Variants in EPB41L4A observed in about 807,000 individuals in gnomAD.
EPB41L4A encodes the protein erythrocyte membrane protein band 4.1 like 4A, also known as band 4.1-like protein 4A.
A neutral mutation model predicts 108.6 loss-of-function variants in EPB41L4A; 100 were observed. The ratio of observed to expected loss-of-function variants is 0.92; its 90% CI spans 0.78 to 1.09. EPB41L4A has a LOEUF of 1.09. Among genes scored for constraint, EPB41L4A ranks in the 50% least tolerant of loss-of-function variants. The pLI is 0.00. For synonymous variants in EPB41L4A, 319 were observed against 289.0 expected (o/e 1.10, Z -1.05); for missense variants, 1,030 against 842.7 (o/e 1.22, Z -2.75).
chr5:112,294,325 G>A (rs928690514), intron 2 of EPB41L4A, among the ~76,000 whole-genome samples: 2 of 152,150 alleles, frequency 1.3e-5, no homozygotes, highest in Non-Finnish European at 2.9e-5. Flanking sequence ...CAAGGCCCTC[G>A]CCTCCCAGTG....
At chr5:112,147,770 C>A (rs1276292477) in intron 12 of EPB41L4A, among the ~76,000 whole-genome samples, 1 of 151,958 alleles carries the variant, frequency 6.6e-6, no homozygotes, top group South Asian at 2.1e-4. Context: ...TATAGGCCTA[C>A]CTGGCTTTTG....
intron 15 of EPB41L4A, among the ~76,000 whole-genome samples, chr5:112,203,204 A>G (rs903861612): frequency 1.3e-5 from 2 of 152,094 alleles, no homozygotes; most frequent in African/African-American, 4.8e-5. Context: ...AAAAATAAAA[A>G]AATTAGCCGG....
intron 1 of EPB41L4A, among the ~76,000 whole-genome samples, chr5:112,380,706 G>GA (rs535760849): frequency 1.5e-3 from 232 of 151,820 alleles, no homozygotes; most frequent in Non-Finnish European, 2.7e-3. Flanking sequence ...AAGCACAGGG[G>GA]AAAAAAATGA....
At chr5:112,187,778 C>T (rs1314008334) in intron 17 of EPB41L4A, among the ~76,000 whole-genome samples, 1 of 152,156 alleles carries the variant, frequency 6.6e-6, no homozygotes, top group Admixed American at 6.5e-5. Context: ...ACTTCTAATT[C>T]ACTGAGATAA....
intron 1 of EPB41L4A, among the ~76,000 whole-genome samples, chr5:112,389,427 T>C (rs767122767): frequency 6.6e-6 from 1 of 152,176 alleles, no homozygotes; most frequent in Non-Finnish European, 1.5e-5. Context: ...ACAGAGTTGT[T>C]ATCTGACCTT....
chr5:112,233,418 T>C (rs1749099998), intron 12 of EPB41L4A, among the ~76,000 whole-genome samples: 1 of 152,224 alleles, frequency 6.6e-6, no homozygotes, highest in African/African-American at 2.4e-5. Flanking sequence ...TACACACATA[T>C]GTATACATGT....
At chr5:112,201,431 G>A (rs1227316676) in intron 15 of EPB41L4A, among the ~76,000 whole-genome samples, 1 of 152,194 alleles carries the variant, frequency 6.6e-6, no homozygotes, top group Non-Finnish European at 1.5e-5. Context: ...GAGTGTATAT[G>A]CTGCAAACTA....
rs1580728222 is a variant in EPB41L4A at position 112,345,821 on chromosome 5, ACG to A, written c.100-38333_100-38332del. On this transcript the variant is annotated intron_variant, in intron 1 of 22. Transcript: ENST00000261486. ...CACACACACACACACACACACACAC[ACG>A]CACACATAAAGCCCCAGCAACCTGG... 1.6e-4 allele frequency among the ~76,000 whole-genome samples: 24 copies of A among 148,634 alleles called. No homozygotes were observed. The East Asian group carries it at 4.2e-3, about 26-fold the overall frequency.
At chr5:112,141,872 A>G (rs1759084964), downstream of EPB41L4A, among the ~76,000 whole-genome samples, 1 of 152,112 alleles carries the variant, frequency 6.6e-6, no homozygotes, top group South Asian at 2.1e-4. Flanking sequence ...CAATTTGTGC[A>G]TTTCAGTCAC....
intron 18 of EPB41L4A, among the ~76,000 whole-genome samples, chr5:112,179,394 G>A (rs1368237609): frequency 6.6e-6 from 1 of 151,968 alleles, no homozygotes; most frequent in Non-Finnish European, 1.5e-5. Context: ...GAAAATTACA[G>A]ATCAATTTTT....
intron 1 of EPB41L4A, among the ~76,000 whole-genome samples, chr5:112,338,461 A>G (rs1757060720): frequency 6.6e-6 from 1 of 152,030 alleles, no homozygotes; most frequent in Admixed American, 6.5e-5. Flanking sequence ...CAAGCCCAAT[A>G]CATGGTCATA....
At chr5:112,187,192 T>C (rs2150243960) in intron 17 of EPB41L4A, among the ~76,000 whole-genome samples, 1 of 152,282 alleles carries the variant, frequency 6.6e-6, no homozygotes, top group South Asian at 2.1e-4. Context: ...ATGTTGTGGA[T>C]CTATTAATTT....
At chr5:112,246,813 C>G (rs572695983) in intron 9 of EPB41L4A, among the ~76,000 whole-genome samples, 216 of 152,250 alleles carry the variant, frequency 1.4e-3, no homozygotes, top group African/African-American at 5.0e-3. Flanking sequence ...CTGAGGCAGA[C>G]AAAGGCATGA....
At chr5:112,413,700 A>C (rs1025462367) in intron 1 of EPB41L4A, among the ~76,000 whole-genome samples, 1 of 152,206 alleles carries the variant, frequency 6.6e-6, no homozygotes, top group African/African-American at 2.4e-5. Flanking sequence ...ACTTGATTCA[A>C]GGATGCTTCC....
intron 14 of EPB41L4A, among the ~76,000 whole-genome samples, chr5:112,204,891 A>C (rs1762397676): frequency 6.6e-6 from 1 of 152,186 alleles, no homozygotes; most frequent in African/African-American, 2.4e-5. Context: ...ACAGAAAAAA[A>C]ATTGAAATAT....
rs139981783 is a variant in EPB41L4A, at chr5:112,302,841, G to A, written c.204+4545C>T. Among the ~76,000 whole-genome samples the A allele has an allele frequency of 4.5e-3, 690 of 152,242 alleles. 1 individual carries two copies. The highest frequency in any genetic ancestry group is 6.2e-3 in the Non-Finnish European group (423 of 68,000). ...TCGTCAGCAGGAAACTTAGACCTTC[G>A]GTGCTATGGGGCCCCCTATAGATGC... is the stretch of plus-strand genomic sequence containing the variant. On this transcript the variant is annotated intron_variant, in intron 2 of 22. Coordinates refer to ENST00000261486, the MANE Select transcript of EPB41L4A (RefSeq NM_022140.5).
Position 112,418,724 on chromosome 5 carries a change from G to A in EPB41L4A, c.99+217C>T, listed in dbSNP as rs1250828945. Among the ~76,000 whole-genome samples the A allele has an allele frequency of 2.0e-5, 3 of 152,074 alleles. No individual in the cohort carries two copies. The East Asian group carries it at 5.8e-4, about 29-fold the overall frequency. On this transcript the variant is annotated intron_variant, in intron 1 of 22. Coordinates refer to ENST00000261486, the MANE Select transcript of EPB41L4A (RefSeq NM_022140.5). ...GGAGCCGGTGTGCTGAGTAAACTTA[G>A]AAACGTCAAACTCAACTTTGCTTTA...
At chr5:112,359,564 G>A (rs972506949) in intron 1 of EPB41L4A, among the ~76,000 whole-genome samples, 40 of 149,062 alleles carry the variant, frequency 2.7e-4, no homozygotes, top group African/African-American at 9.1e-4. Context: ...TTTTTGAGAC[G>A]GAGTCTTGCT....
intron 17 of EPB41L4A, among the ~76,000 whole-genome samples, chr5:112,190,420 G>A (rs1761638424): frequency 6.6e-6 from 1 of 152,166 alleles, no homozygotes; most frequent in African/African-American, 2.4e-5. Context: ...ACAATTTCAT[G>A]GGGTTATGAA....
Sources: allele counts gnomAD v4.1 joint callset (sites outside exome capture counted in the v4.1 genomes callset), GRCh38; gene constraint gnomAD v4.1.1; transcripts MANE v1.5; gene names NCBI Gene and HGNC (gene_info 2026-07-23, HGNC 2026-07-21).